The following ACTR3C variants were observed in gnomAD, a reference collection of about 807,000 sequenced individuals.
ACTR3C encodes actin-related protein 3C.
Under a neutral mutation model 26.3 loss-of-function variants are expected in ACTR3C, and 18 were observed. That is an observed-to-expected ratio of 0.68 (90% CI 0.47 to 1.01). The LOEUF is 1.01. ACTR3C is among the 50% of genes least tolerant of loss of function. The pLI, the probability that ACTR3C is intolerant of heterozygous loss-of-function variation, is 0.00. For missense variants in ACTR3C, 184 were observed against 250.7 expected (o/e 0.73, Z 1.80); for synonymous variants, 55 against 94.5 (o/e 0.58, Z 2.42).
the ACTR3C span, among the ~76,000 whole-genome samples, chr7:149,893,037 A>C: frequency 1.3e-5 from 2 of 152,234 alleles, no homozygotes; most frequent in African/African-American, 4.8e-5. Context: ...ATATTTGGGA[A>C]TATACTTAGC....
chr7:150,272,485 G>A lies in ACTR3C; in HGVS notation c.564+12268C>T, dbSNP rs796830085. 5.7e-5 allele frequency among the ~76,000 whole-genome samples: 8 copies of A among 139,256 alleles called. 1 individual carries two copies. The South Asian group carries it at 1.5e-3, about 26-fold the overall frequency. The allele number at this position is 139,256 out of a possible 152,430, so 91.4% of individuals were successfully genotyped here. On this transcript the variant is annotated intron_variant, in intron 6 of 7. Coordinates refer to ENST00000683684, the MANE Select transcript of ACTR3C (RefSeq NM_001164458.2). ...GATGGCTTAAATGTGGCTTACAGGC[G>A]TCACTTGCTTTGGTTTCTTATCACC...
the ACTR3C span, among the ~76,000 whole-genome samples, chr7:150,027,308 T>C: frequency 2.0e-5 from 3 of 151,828 alleles, no homozygotes; most frequent in South Asian, 2.1e-4. Context: ...TCTCGCTCTA[T>C]TGCCCAGACT....
chr7:150,221,471 A>G, the ACTR3C span, among the ~76,000 whole-genome samples: 1,132 of 152,336 alleles, frequency 7.4e-3, 15 homozygotes, highest in African/African-American at 0.026. Context: ...CAGGGGACCA[A>G]GGGCACGTTA....
intron 6 of ACTR3C, among the ~76,000 whole-genome samples, chr7:150,278,136 A>G (rs922236270): frequency 6.6e-6 from 1 of 152,114 alleles, no homozygotes; most frequent in Non-Finnish European, 1.5e-5. Context: ...CCAGACCCAC[A>G]GGATCGCGCT....
chr7:149,960,990 C>T, the ACTR3C span, among the ~76,000 whole-genome samples: 1 of 151,224 alleles, frequency 6.6e-6, no homozygotes, highest in Non-Finnish European at 1.5e-5. Context: ...GAAGTGTACA[C>T]TCACAGAAAG....
At chr7:150,070,151 C>T in the ACTR3C span, among the ~76,000 whole-genome samples, 1 of 152,146 alleles carries the variant, frequency 6.6e-6, no homozygotes, top group Non-Finnish European at 1.5e-5. Flanking sequence ...GATGCAGGAG[C>T]TCGCGAGGCC....
the ACTR3C span, among the ~76,000 whole-genome samples, chr7:150,057,630 T>C: frequency 6.6e-6 from 1 of 152,148 alleles, no homozygotes; most frequent in Non-Finnish European, 1.5e-5. Flanking sequence ...TTTTATTAAG[T>C]CCACCAATCA....
chr7:150,239,507 G>GCTCTCTCTCTCTCT (rs1187583060), downstream of ACTR3C, among the ~76,000 whole-genome samples: 1 of 103,010 alleles, frequency 9.7e-6, no homozygotes, highest in Admixed American at 9.7e-5. Context: ...AAAGTTGCTC[G>GCTCTCTCTCTCTCT]CTCTCTCTCT....
At chr7:150,132,536 A>G in the ACTR3C span, among the ~76,000 whole-genome samples, 1 of 152,204 alleles carries the variant, frequency 6.6e-6, no homozygotes, top group East Asian at 1.9e-4. Context: ...GGGAAATGCA[A>G]ATCAAAACCA....
In ACTR3C at chr7:150,264,856, G is replaced by A. The variant is rs1199283486; in HGVS notation, c.565-15802C>T. On this transcript the variant is annotated intron_variant, in intron 6 of 7. Transcript: ENST00000683684. ...TAATCTGTATCTGGTAGCATTACAG[G>A]CTTTTTCTGTTGACTTTGCTGTGGT... 3 of 983,126 alleles carry A rather than the reference G, an allele frequency of 3.1e-6. No individual in the cohort carries two copies. In the African/African-American group the frequency reaches 5.2e-5, roughly 17 times the overall value. 60.9% of individuals were successfully genotyped at this position (983,126 alleles called of 1,614,324 possible).
At chr7:150,297,792 C>T (rs1584958987) in intron 1 of ACTR3C, among the ~76,000 whole-genome samples, 2 of 142,376 alleles carry the variant, frequency 1.4e-5, no homozygotes, top group South Asian at 4.3e-4. Context: ...GCGGAGGTTG[C>T]AGTGAGCTGA....
At chr7:150,245,233 A>G (rs1832401601), downstream of ACTR3C, 1 of 152,306 alleles carries the variant, frequency 6.6e-6, no homozygotes, top group Non-Finnish European at 1.5e-5. Context: ...TAATTTGCCC[A>G]AGCTACCTAG....
the ACTR3C span, among the ~76,000 whole-genome samples, chr7:150,056,200 C>A: frequency 2.0e-5 from 3 of 152,122 alleles, no homozygotes; most frequent in Non-Finnish European, 2.9e-5. Flanking sequence ...TCAGTATACA[C>A]ACAATAGATC....
the ACTR3C span, among the ~76,000 whole-genome samples, chr7:149,913,767 G>T: frequency 6.6e-6 from 1 of 150,988 alleles, no homozygotes; most frequent in African/African-American, 2.4e-5. Context: ...TATAATGCAA[G>T]CTTCCTCACT....
chr7:150,086,300 A>G, the ACTR3C span, among the ~76,000 whole-genome samples: 1 of 152,250 alleles, frequency 6.6e-6, no homozygotes, highest in African/African-American at 2.4e-5. Context: ...GACCAGAACA[A>G]TGAGGTAGTG....
chr7:150,198,777 G>A, the ACTR3C span, among the ~76,000 whole-genome samples: 1 of 130,600 alleles, frequency 7.7e-6, no homozygotes. Context: ...CCCCCGCCTG[G>A]CCAGCCGTGC....
the ACTR3C span, among the ~76,000 whole-genome samples, chr7:150,180,025 G>T: frequency 8.2e-3 from 1,237 of 150,806 alleles, 52 homozygotes; most frequent in African/African-American, 0.029. Context: ...ATCTTCCGTG[G>T]CCGGGCGCAG....
chr7:150,162,725 G>T, the ACTR3C span, among the ~76,000 whole-genome samples: 1 of 152,170 alleles, frequency 6.6e-6, no homozygotes, highest in Admixed American at 6.5e-5. Context: ...ACAAGCAATG[G>T]CAACAATATC....
chr7:150,261,553 T>A (rs1833634517), intron 6 of ACTR3C, among the ~76,000 whole-genome samples: 1 of 152,216 alleles, frequency 6.6e-6, no homozygotes, highest in Non-Finnish European at 1.5e-5. Context: ...ACACAAAAAA[T>A]TAGCAGGGCG....
Sources: gnomAD v4.1 joint callset for allele counts (sites outside exome capture counted in the v4.1 genomes callset) on GRCh38, gnomAD v4.1.1 for gene constraint, MANE v1.5 for transcripts, NCBI Gene and HGNC (gene_info 2026-07-23, HGNC 2026-07-21) for gene names.